The following UBN2 variants were observed in gnomAD, a reference collection of about 807,000 sequenced individuals.
The protein encoded by UBN2 is ubinuclein-2.
UBN2 carries 35 observed loss-of-function variants against 120.2 expected under a neutral mutation model. The observed-to-expected ratio is 0.29, with a 90% CI of 0.22 to 0.39. The LOEUF (loss-of-function observed/expected upper bound fraction) is 0.39, where lower values mean the gene tolerates loss of function less well. UBN2 is among the 10% of genes least tolerant of loss of function. The pLI is 1.00. For missense variants in UBN2, 1,693 were observed against 1,663.2 expected (o/e 1.02, Z -0.31); for synonymous variants, 661 against 648.7 (o/e 1.02, Z -0.29).
rs370161570 is a variant in UBN2, at chr7:139,260,127, C to G, written c.905+757C>G. Among the ~76,000 whole-genome samples the G allele has an allele frequency of 5.0e-4, 75 of 150,464 alleles. No homozygotes were observed. In the East Asian group the frequency reaches 9.8e-3, roughly 20 times the overall value. On this transcript the variant is annotated intron_variant, in intron 5 of 17. Transcript: ENST00000473989. ...TTTTTTTTTCTCTTTTAGATAGGGT[C>G]TTGCTATGTCACCCAGGCTGGAGTG...
At chr7:139,290,403 T>G (rs75419726) in intron 15 of UBN2, among the ~76,000 whole-genome samples, 1 of 152,184 alleles carries the variant, frequency 6.6e-6, no homozygotes, top group South Asian at 2.1e-4. Context: ...GGTTCAAACA[T>G]GGAGTGGTGA....
the UBN2 span, among the ~76,000 whole-genome samples, chr7:139,317,735 T>G: frequency 6.6e-6 from 1 of 152,124 alleles, no homozygotes; most frequent in East Asian, 1.9e-4. Flanking sequence ...CAGTCTTGGC[T>G]CACTGCAACC....
chr7:139,312,699 C>A (rs181958934), downstream of UBN2, among the ~76,000 whole-genome samples: 5 of 152,206 alleles, frequency 3.3e-5, no homozygotes, highest in African/African-American at 4.8e-5. Context: ...GTGTTTTGGG[C>A]AGTTTACTTA....
rs533804912 is a variant in UBN2 at position 139,297,809 on chromosome 7, C to T, written c.4017C>T (p.Asp1339=). The T allele has an allele frequency of 6.2e-7, 1 of 1,614,060 alleles. No homozygotes were observed. The highest frequency in any genetic ancestry group is 8.5e-7 in the Non-Finnish European group (1 of 1,179,984). ...CAGATGGAGGCCAAAGTAAAGGGGA[C>T]ACTAAATTACCACGGAAATCTCAGT... ...AFHDGGQSKG[D]TKLPRKSQ The change falls in exon 18 of 18, where the codon GAC becomes GAT. Residue 1339 remains aspartate, a synonymous_variant. Transcript: ENST00000473989.
At chr7:139,309,176 T>C (rs1395680688), downstream of UBN2, among the ~76,000 whole-genome samples, 3 of 152,198 alleles carry the variant, frequency 2.0e-5, no homozygotes, top group African/African-American at 7.2e-5. Context: ...ATAGAAAATA[T>C]CAAAAAGGTT....
rs1797726345 is a variant in UBN2 at position 139,284,589 on chromosome 7, T to C, written c.3669+15T>C. 5.7e-6 allele frequency: 9 copies of C among 1,580,040 alleles called. No individual in the cohort carries two copies. Among genetic ancestry groups the C allele is most frequent in the African/African-American group, 1.3e-5 (1 of 74,118 alleles). ...CCAGTGTGCAGGTATGTATGTTCTG[T>C]ACGTCCATGTGATAAACTATAAGAT... On this transcript the variant is annotated intron_variant, in intron 15 of 17. Coordinates refer to ENST00000473989, the MANE Select transcript of UBN2 (RefSeq NM_173569.4).
chr7:139,318,447 T>C, the UBN2 span, among the ~76,000 whole-genome samples: 9 of 152,220 alleles, frequency 5.9e-5, no homozygotes, highest in Admixed American at 5.9e-4. Context: ...GATTTTTGTA[T>C]GATATATCCC....
At chr7:139,292,877 C>G (rs999285281) in intron 15 of UBN2, among the ~76,000 whole-genome samples, 1 of 152,110 alleles carries the variant, frequency 6.6e-6, no homozygotes, top group Non-Finnish European at 1.5e-5. Flanking sequence ...TCTGCAGCAG[C>G]CGCTGCAGGA....
At chr7:139,273,732 C>T (rs1343481743) in intron 10 of UBN2, among the ~76,000 whole-genome samples, 199 bp from the exon 11 acceptor site, 3 of 152,164 alleles carry the variant, frequency 2.0e-5, no homozygotes, top group Non-Finnish European at 1.5e-5. Context: ...AGTAGAGAAC[C>T]ATCCCTTTCA....
At chr7:139,272,269 C>T (rs1797298585) in intron 8 of UBN2, 53 bp from the exon 9 acceptor site, 3 of 1,379,692 alleles carry the variant, frequency 2.2e-6, no homozygotes, top group African/African-American at 1.4e-5. Flanking sequence ...GACCTGCTTA[C>T]AAGATTTCGT....
chr7:139,240,452 A>ATTT (rs1401337500), intron 2 of UBN2, among the ~76,000 whole-genome samples: 2,108 of 57,554 alleles, frequency 0.037, 27 homozygotes, highest in Middle Eastern at 0.079. Context: ...ATATATATAT[A>ATTT]TATTTTTTTT....
At chr7:139,240,456 T>A (rs865989987) in intron 2 of UBN2, among the ~76,000 whole-genome samples, 28 of 75,752 alleles carry the variant, frequency 3.7e-4, no homozygotes, top group African/African-American at 6.0e-4. Context: ...ATATATATAT[T>A]TTTTTTTTTA....
At chr7:139,313,713 T>C in the UBN2 span, among the ~76,000 whole-genome samples, 6 of 152,324 alleles carry the variant, frequency 3.9e-5, no homozygotes, top group Admixed American at 3.3e-4. Context: ...GGTGTTATTC[T>C]AGATTTTTGG....
At chr7:139,256,883 C>T (rs1392487065) in intron 3 of UBN2, among the ~76,000 whole-genome samples, 2 of 152,078 alleles carry the variant, frequency 1.3e-5, no homozygotes, top group Non-Finnish European at 2.9e-5. Flanking sequence ...AAACTGGAAC[C>T]TCTTCATTTT....
In UBN2 at chr7:139,266,226, CAAAAAAAAAAAAAAAAAAA is replaced by C. The variant is rs964552637; in HGVS notation, c.1396-106_1396-88del. ...TGGGCAACATAGAGAGGCCCTATCT[CAAAAAAAAAAAAAAAAAAA>C]GAAAAAAACCTTTGAACACGTGTCC... On this transcript the variant is annotated intron_variant, in intron 6 of 17. Transcript: ENST00000473989. 1.7e-4 allele frequency: 58 copies of C among 345,514 alleles called. No homozygotes were observed. The African/African-American group carries it at 2.4e-3, about 14-fold the overall frequency. 21.4% of individuals were successfully genotyped at this position (345,514 alleles called of 1,614,324 possible).
At chr7:139,314,982 T>C in the UBN2 span, among the ~76,000 whole-genome samples, 1 of 151,102 alleles carries the variant, frequency 6.6e-6, no homozygotes, top group Non-Finnish European at 1.5e-5. Context: ...AATAATATTA[T>C]TATTATTATT....
At chr7:139,260,560 G>C (rs1169415904) in intron 5 of UBN2, among the ~76,000 whole-genome samples, 1 of 152,152 alleles carries the variant, frequency 6.6e-6, no homozygotes, top group Admixed American at 6.5e-5. Context: ...AGACGCTTGT[G>C]AGAGGCTGAA....
chr7:139,252,164 T>G, intron 3 of UBN2, 107 bp downstream of exon 3: 1 of 890,416 alleles, frequency 1.1e-6, no homozygotes, highest in Non-Finnish European at 1.7e-6. Context: ...TTATTTGTGC[T>G]TTTTAAAGCC....
intron 1 of UBN2, among the ~76,000 whole-genome samples, chr7:139,235,714 G>A (rs1796147137): frequency 6.6e-6 from 1 of 152,010 alleles, no homozygotes; most frequent in Non-Finnish European, 1.5e-5. Context: ...GCCTTTCATT[G>A]GTAGCTTCTG....
Sources: allele counts gnomAD v4.1 joint callset (sites outside exome capture counted in the v4.1 genomes callset), GRCh38; gene constraint gnomAD v4.1.1; transcripts MANE v1.5; gene names NCBI Gene and HGNC (gene_info 2026-07-23, HGNC 2026-07-21).